SRGAP1: variants seen among roughly 807,000 people sequenced by gnomAD.
SRGAP1 encodes SLIT-ROBO Rho GTPase activating protein 1, also known as SLIT-ROBO Rho GTPase-activating protein 1.
SRGAP1 carries 43 observed loss-of-function variants against 121.9 expected under a neutral mutation model. That is an observed-to-expected ratio of 0.35 (90% CI 0.28 to 0.46). The LOEUF (loss-of-function observed/expected upper bound fraction) is 0.46. Among genes scored for constraint, SRGAP1 ranks in the 20% least tolerant of loss-of-function variants. The pLI is 1.00. For synonymous variants in SRGAP1, 447 were observed against 485.4 expected, an observed-to-expected ratio of 0.92 and a Z score of 1.04; for missense variants, 1,102 against 1,350.9, an observed-to-expected ratio of 0.82 and a Z score of 2.89.
chr12:63,879,318 T>G (rs1391652840), intron 1 of SRGAP1: 9 of 152,264 alleles, frequency 5.9e-5, no homozygotes, highest in Admixed American at 5.2e-4. Context: ...CCCTGTCCTT[T>G]GTTCTTTTTA....
At chr12:64,082,946 T>C (rs1185195903) in intron 10 of SRGAP1, among the ~76,000 whole-genome samples, 1 of 152,218 alleles carries the variant, frequency 6.6e-6, no homozygotes, top group Non-Finnish European at 1.5e-5. Flanking sequence ...CTGCCCCTTT[T>C]GCAGGCTGGG....
chr12:64,020,156 G>A (rs1593049666), intron 4 of SRGAP1, among the ~76,000 whole-genome samples: 1 of 152,168 alleles, frequency 6.6e-6, no homozygotes, highest in African/African-American at 2.4e-5. Flanking sequence ...AGAAGGCTGT[G>A]TCTCAAATAA....
At chr12:64,075,959 G>A (rs796074181) in intron 8 of SRGAP1, among the ~76,000 whole-genome samples, 1 of 150,822 alleles carries the variant, frequency 6.6e-6, no homozygotes, top group Non-Finnish European at 1.5e-5. Context: ...TCCACTTCCT[G>A]TAATGATGGA....
Position 63,994,126 on chromosome 12 carries a change from T to C in SRGAP1, c.426+4054T>C, listed in dbSNP as rs189696619. Among the ~76,000 whole-genome samples, 72 of 152,282 alleles carry C rather than the reference T, an allele frequency of 4.7e-4. No homozygotes were observed. In the East Asian group the frequency reaches 6.6e-3, roughly 14 times the overall value. Reference sequence around the variant, plus strand: ...TATAGTAATCTACTCCAGATAGTCGTTTAGAGGATTCATGAGTTATATATG... The same window carrying C: ...TATAGTAATCTACTCCAGATAGTCGCTTAGAGGATTCATGAGTTATATATG... On this transcript the variant is annotated intron_variant, in intron 3 of 21. Transcript: ENST00000355086.
intron 19 of SRGAP1, among the ~76,000 whole-genome samples, chr12:64,126,539 C>A (rs1301913165): frequency 1.3e-5 from 2 of 152,194 alleles, no homozygotes; most frequent in Non-Finnish European, 2.9e-5. Flanking sequence ...CAGAGGGAAT[C>A]ATTGCTATGC....
Position 64,042,803 on chromosome 12 carries a change from A to G in SRGAP1, c.503A>G (p.Tyr168Cys). Residue 168 changes from tyrosine (Y) to cysteine (C), a missense_variant, in exon 5 of 22, where the codon TAC (tyrosine) becomes TGC (cysteine). By Grantham distance (194) the Tyr-to-Cys change is radical (BLOSUM62 -2). Transcript: ENST00000355086. ...ACTTTTCCACAGGTGATGAAAACAT[A>G]CCATATGTATCATGCAGAGAGCATC... is the stretch of plus-strand genomic sequence containing the variant. ...LNELYTVMKT[Y>C]HMYHAESISA... 2 of 1,613,250 alleles carry G rather than the reference A, an allele frequency of 1.2e-6. No homozygotes were observed. Among genetic ancestry groups the G allele is most frequent in the Non-Finnish European group, 1.7e-6 (2 of 1,179,670 alleles).
intron 1 of SRGAP1, among the ~76,000 whole-genome samples, chr12:63,876,553 C>T (rs1900035028): frequency 1.3e-5 from 2 of 152,222 alleles, no homozygotes; most frequent in Admixed American, 6.5e-5. Flanking sequence ...ATACAACCCT[C>T]TGATGGAGAA....
At chr12:63,985,357 G>A (rs933132837) in intron 2 of SRGAP1, among the ~76,000 whole-genome samples, 14 of 152,140 alleles carry the variant, frequency 9.2e-5, no homozygotes, top group African/African-American at 1.7e-4. Context: ...GTAGGGAGGC[G>A]ATGAGCTGCA....
chr12:63,858,326 T>G (rs923370475), intron 1 of SRGAP1, among the ~76,000 whole-genome samples: 3 of 151,990 alleles, frequency 2.0e-5, no homozygotes, highest in African/African-American at 7.3e-5. Flanking sequence ...GTCTATGTTT[T>G]TTTTTTGGAG....
At chr12:63,958,859 T>G (rs1030824784) in intron 1 of SRGAP1, among the ~76,000 whole-genome samples, 1 of 152,252 alleles carries the variant, frequency 6.6e-6, no homozygotes, top group Non-Finnish European at 1.5e-5. Flanking sequence ...GTGTTCTTTT[T>G]CTGCCTTTGA....
chr12:63,875,776 T>A (rs1344278165), intron 1 of SRGAP1, among the ~76,000 whole-genome samples: 2 of 152,218 alleles, frequency 1.3e-5, no homozygotes, highest in Non-Finnish European at 2.9e-5. Context: ...TGTAGTTGAT[T>A]GCAAGTTTAG....
intron 6 of SRGAP1, among the ~76,000 whole-genome samples, chr12:64,047,218 T>A (rs2035148768): frequency 1.3e-5 from 2 of 152,204 alleles, no homozygotes; most frequent in Non-Finnish European, 2.9e-5. Flanking sequence ...TTGGGTACTC[T>A]CTTAGTGAAA....
At chr12:63,885,419 C>CCT (rs1900345676) in intron 1 of SRGAP1, among the ~76,000 whole-genome samples, 1 of 152,158 alleles carries the variant, frequency 6.6e-6, no homozygotes, top group South Asian at 2.1e-4. Flanking sequence ...GCTCCAGGAA[C>CCT]CTCTACATGT....
At chr12:64,115,181 A>G (rs1281710456) in intron 17 of SRGAP1, among the ~76,000 whole-genome samples, 3 of 151,560 alleles carry the variant, frequency 2.0e-5, no homozygotes, top group African/African-American at 7.3e-5. Flanking sequence ...TTTGTAAAAA[A>G]CTGGTCTATC....
intron 1 of SRGAP1, among the ~76,000 whole-genome samples, chr12:63,854,620 T>A (rs1899178495): frequency 6.6e-6 from 1 of 152,220 alleles, no homozygotes; most frequent in African/African-American, 2.4e-5. Flanking sequence ...TGTATTCTTA[T>A]GACTTCAATT....
intron 1 of SRGAP1, 119 bp downstream of exon 1, chr12:63,845,002 C>A: frequency 9.7e-7 from 1 of 1,035,046 alleles, no homozygotes; most frequent in Non-Finnish European, 1.5e-6. Flanking sequence ...ACAGCTCGAG[C>A]CCTGTCTGAG....
intron 1 of SRGAP1, among the ~76,000 whole-genome samples, chr12:63,851,732 T>A (rs1403126506): frequency 6.6e-6 from 1 of 151,248 alleles, no homozygotes; most frequent in East Asian, 1.9e-4. Flanking sequence ...GCCCAGCTAA[T>A]TTTTTTGTAT....
intron 6 of SRGAP1, among the ~76,000 whole-genome samples, chr12:64,057,626 A>G (rs935159093): frequency 1.3e-5 from 2 of 152,206 alleles, no homozygotes; most frequent in African/African-American, 2.4e-5. Context: ...GATAGAGTCT[A>G]TACCCAATAT....
At position 64,043,018 on chromosome 12, in the gene SRGAP1, C is replaced by T; in HGVS notation, c.672+46C>T. ...GCTCTTCTGCCTTCATTTGAGGAGA[C>T]AATACTAAGAACACTGATGCAATAG... On this transcript the variant is annotated intron_variant, in intron 5 of 21. Coordinates refer to ENST00000355086, the MANE Select transcript of SRGAP1 (RefSeq NM_020762.4). 2.2e-6 allele frequency: 3 copies of T among 1,363,334 alleles called. No homozygotes were observed. The South Asian group carries it at 3.7e-5, about 17-fold the overall frequency. 84.5% of individuals were successfully genotyped at this position (1,363,334 alleles called of 1,614,324 possible).
Sources: allele counts gnomAD v4.1 joint callset (sites outside exome capture counted in the v4.1 genomes callset), GRCh38; gene constraint gnomAD v4.1.1; transcripts MANE v1.5; gene names NCBI Gene and HGNC (gene_info 2026-07-23, HGNC 2026-07-21).